The following HCCS variants were observed in gnomAD, a reference collection of about 807,000 sequenced individuals.
HCCS encodes the protein holocytochrome c synthase, also known as holocytochrome c-type synthase.
Under a neutral mutation model 24.2 loss-of-function variants are expected in HCCS, and 2 were observed. The observed-to-expected ratio is 0.08, with a 90% CI of 0.03 to 0.26. The LOEUF (loss-of-function observed/expected upper bound fraction) is 0.26. Ranked by LOEUF, HCCS falls within the 10% of genes least tolerant of loss-of-function variation. The probability of loss-of-function intolerance (pLI) is 1.00; values close to 1 mark genes in which losing one functional copy is unlikely to be tolerated. For missense variants in HCCS, 150 were observed against 213.3 expected (o/e 0.70, Z 1.85); for synonymous variants, 73 against 76.2 (o/e 0.96, Z 0.22).
At position 11,122,823 on chromosome X, in the gene HCCS, C is replaced by T. The variant is rs2045502721; in HGVS notation, c.*1013C>T. 9.0e-6 allele frequency: 1 copy of T among 111,723 alleles called. No individual in the cohort carries two copies. Among genetic ancestry groups the T allele is most frequent in the African/African-American group, 3.3e-5 (1 of 30,657 alleles). The allele number at this position is 111,723 out of a possible 1,213,427, so 9.2% of individuals were successfully genotyped here. A position where few individuals can be genotyped will look rare whatever the true frequency, so the allele number is the denominator to read the frequency against. The stretch of plus-strand genomic sequence containing the variant: ...CATTGAAACTTTTTGTACCAGTAAT[C>T]CATAAACTGGTTGTTCTATTTATAG... On this transcript the variant is annotated 3_prime_UTR_variant, in exon 7 of 7. Coordinates refer to ENST00000380762, the MANE Select transcript of HCCS (RefSeq NM_005333.5).
chrX:11,116,285 G>A (rs2045447764), intron 3 of HCCS: 1 of 111,782 alleles, frequency 8.9e-6, no homozygotes, highest in South Asian at 3.8e-4. Context: ...TATTCTTAGT[G>A]TCCCCATTTC....
intron 5 of HCCS, among the ~76,000 whole-genome samples, chrX:11,120,404 G>A (rs1363843684): frequency 8.9e-6 from 1 of 112,137 alleles, no homozygotes. Flanking sequence ...CTCATCTTAT[G>A]TGTAGTTATT....
chrX:11,119,099 C>A (rs1383887213), intron 5 of HCCS, among the ~76,000 whole-genome samples: 1 of 111,856 alleles, frequency 8.9e-6, no homozygotes, highest in Admixed American at 9.5e-5. Context: ...TGTCAGAAGC[C>A]TGCCCAGATT....
chrX:11,121,013 T>TTAGATATGTGATTGATTATTATGATG lies in HCCS; in HGVS notation c.608+20_608+21insTAGATATGTGATTGATTATTATGATG. On this transcript the variant is annotated intron_variant, in intron 6 of 6. Transcript: ENST00000380762. ...GATGGGGTGAGTGTCAGCGCAGAAGTGTTGTTTCACCATCCTCAGGTCAGG... is the reference window on the plus strand; with the variant it reads ...GATGGGGTGAGTGTCAGCGCAGAAGTTAGATATGTGATTGATTATTATGATGGTTGTTTCACCATCCTCAGGTCAGG... 1 of 1,146,812 alleles carries TTAGATATGTGATTGATTATTATGATG rather than the reference T, an allele frequency of 8.7e-7. No individual in the cohort carries two copies. The highest frequency in any genetic ancestry group is 1.8e-5 in the African/African-American group (1 of 56,571). The allele number at this position is 1,146,812 out of a possible 1,213,427, so 94.5% of individuals were successfully genotyped here. A position where few individuals can be genotyped will look rare whatever the true frequency, so the allele number is the denominator to read the frequency against.
In HCCS at chrX:11,121,762, G is replaced by A. The variant is rs34228583; in HGVS notation, c.759G>A (p.Ser253=). 7.4e-6 allele frequency: 9 copies of A among 1,209,876 alleles called. No individual in the cohort carries two copies. In the East Asian group the frequency reaches 8.9e-5, roughly 12 times the overall value. Residue 253 remains serine (S), a synonymous_variant, in exon 7 of 7, where the codon TCG becomes TCA. Transcript: ENST00000380762. Reference sequence around the variant, plus strand: ...TCCGTCCTGCCTTAGATTCACTTTCGGCAGTATGGGACAGAATGAAAGTCG... The same window carrying A: ...TCCGTCCTGCCTTAGATTCACTTTCAGCAGTATGGGACAGAATGAAAGTCG... ...LDVRPALDSL[S]AVWDRMKVAW...
chrX:11,120,214 GCTGT>G (rs1203256362), intron 5 of HCCS, among the ~76,000 whole-genome samples: 1 of 111,646 alleles, frequency 9.0e-6, no homozygotes, highest in Non-Finnish European at 1.9e-5. Flanking sequence ...CTCGGTAACA[GCTGT>G]CTGTCTAGCC....
chrX:11,112,205 C>T (rs754221872), intron 2 of HCCS, 45 bp downstream of exon 2: 66 of 993,831 alleles, frequency 6.6e-5, no homozygotes, highest in Non-Finnish European at 9.0e-5. Flanking sequence ...AGATAATTCA[C>T]GGCTGGGTGC....
rs1341505571 is a variant in HCCS, at chrX:11,114,070, G to A, written c.101-765G>A. Reference sequence around the variant, plus strand: ...CCCAGTCCCTCACTAATTGGGATCAGCATCCTGGGTCTTTGGGCATAGCCC... The same window carrying A: ...CCCAGTCCCTCACTAATTGGGATCAACATCCTGGGTCTTTGGGCATAGCCC... On this transcript the variant is annotated intron_variant, in intron 2 of 6. Coordinates refer to ENST00000380762, the MANE Select transcript of HCCS (RefSeq NM_005333.5). 2.7e-5 allele frequency among the ~76,000 whole-genome samples: 3 copies of A among 113,002 alleles called. No individual in the cohort carries two copies. The East Asian group carries it at 8.3e-4, about 31-fold the overall frequency.
In HCCS at chrX:11,121,558, G is replaced by A. The variant is rs760522419; in HGVS notation, c.609-54G>A. ...CTTGAGTTTTCTCATGGCTTAAACC[G>A]GGACTGAATGTATTGCAAGCATTTT... is the stretch of plus-strand genomic sequence containing the variant. On this transcript the variant is annotated intron_variant, in intron 6 of 6. Coordinates refer to ENST00000380762, the MANE Select transcript of HCCS (RefSeq NM_005333.5). 1.3e-4 allele frequency: 136 copies of A among 1,021,618 alleles called. 1 individual carries two copies. The African/African-American group carries it at 2.2e-3, about 17-fold the overall frequency. The allele number at this position is 1,021,618 out of a possible 1,213,427, so 84.2% of individuals were successfully genotyped here. A position where few individuals can be genotyped will look rare whatever the true frequency, so the allele number is the denominator to read the frequency against.
intron 5 of HCCS, 40 bp from the exon 6 acceptor site, chrX:11,120,867 A>T (rs780156768): frequency 6.6e-5 from 72 of 1,088,150 alleles, no homozygotes; most frequent in Non-Finnish European, 8.9e-5. Context: ...CAAAGAAAAG[A>T]AAATATTTTA....
chrX:11,117,603 G>A (rs764264537), intron 4 of HCCS, among the ~76,000 whole-genome samples, 188 bp downstream of exon 4: 1 of 111,841 alleles, frequency 8.9e-6, no homozygotes, highest in South Asian at 3.7e-4. Context: ...GGGTTCTCAA[G>A]AGAAACAGAA....
At chrX:11,113,428 G>T (rs919982572) in intron 2 of HCCS, among the ~76,000 whole-genome samples, 1 of 112,226 alleles carries the variant, frequency 8.9e-6, no homozygotes, top group African/African-American at 3.2e-5. Flanking sequence ...TATAGTCAAG[G>T]AAACTAAGAC....
At chrX:11,118,362 G>T in intron 4 of HCCS, 139 bp from the exon 5 acceptor site, 1 of 597,131 alleles carries the variant, frequency 1.7e-6, no homozygotes, top group Non-Finnish European at 2.8e-6. Flanking sequence ...CCTTAGATCT[G>T]TTAAATTCAG....
intron 5 of HCCS, chrX:11,119,879 A>C (rs2045477808): frequency 4.0e-6 from 1 of 252,028 alleles, no homozygotes; most frequent in African/African-American, 2.9e-5. Context: ...AGGGAATTTC[A>C]GTTTGTCAGT....
chrX:11,116,427 G>A (rs991259516), intron 3 of HCCS, among the ~76,000 whole-genome samples: 1 of 112,759 alleles, frequency 8.9e-6, no homozygotes. Context: ...AATGCAGGTA[G>A]AATACTCTGC....
rs752236185 is a variant in HCCS, at chrX:11,121,825, T to C, written c.*15T>C. The C allele has an allele frequency of 1.7e-6, 2 of 1,168,477 alleles. No individual in the cohort carries two copies. On this transcript the variant is annotated 3_prime_UTR_variant, in exon 7 of 7. Transcript: ENST00000380762. ...GGACCTCGTAAAGCACTGTTTCAGA[T>C]GGAAAAATATAAACTATTTTTTTCT...
In HCCS at chrX:11,117,319, C is replaced by T; in HGVS notation, c.305C>T (p.Thr102Ile). Residue 102 changes from threonine to isoleucine, a missense_variant, in exon 4 of 7, where the codon ACT becomes ATT. By Grantham distance (89) the Thr-to-Ile change is moderately conservative. This residue lies in a region of HCCS where 95 missense variants were observed against 79.1 expected (regional missense o/e 1.20). Transcript: ENST00000380762. ...CCAGATCAGCCATTTGCATTGTCTA[C>T]TGTCAGAGAAGAGTCATCCATTCCG... is the stretch of plus-strand genomic sequence containing the variant. ...PAPDQPFALS[T>I]VREESSIPRA... 8.3e-7 allele frequency: 1 copy of T among 1,207,778 alleles called. No homozygotes were observed. The highest frequency in any genetic ancestry group is 1.1e-6 in the Non-Finnish European group (1 of 891,739).
intron 3 of HCCS, among the ~76,000 whole-genome samples, chrX:11,115,920 G>A (rs1412169045): frequency 4.5e-5 from 5 of 111,792 alleles, no homozygotes; most frequent in African/African-American, 6.5e-5. Flanking sequence ...AGCATTATCC[G>A]AAGCCCCTGG....
At chrX:11,120,830 A>G (rs1421488559) in intron 5 of HCCS, 77 bp from the exon 6 acceptor site, 2 of 803,503 alleles carry the variant, frequency 2.5e-6, no homozygotes. Flanking sequence ...AATGGATATT[A>G]CTAAAAAATT....
Sources: allele counts gnomAD v4.1 joint callset (sites outside exome capture counted in the v4.1 genomes callset), GRCh38; gene constraint gnomAD v4.1.1; regional missense constraint gnomAD v4.1.1; transcripts MANE v1.5; gene names NCBI Gene and HGNC (gene_info 2026-07-23, HGNC 2026-07-21).